COL18A1: variants seen among roughly 807,000 people sequenced by gnomAD.
The protein encoded by COL18A1 is collagen type XVIII alpha 1 chain, also known as collagen alpha-1(XVIII) chain.
Under a neutral mutation model 168.0 loss-of-function variants are expected in COL18A1, and 133 were observed. The ratio of observed to expected loss-of-function variants is 0.79; its 90% CI spans 0.69 to 0.91. The LOEUF is 0.91. COL18A1 is among the 40% of genes least tolerant of loss of function. The probability of loss-of-function intolerance (pLI) is 0.00; values close to 1 mark genes in which losing one functional copy is unlikely to be tolerated. For synonymous variants in COL18A1, 949 were observed against 809.0 expected, an observed-to-expected ratio of 1.17 and a Z score of -2.94; for missense variants, 2,126 against 1,925.4, an observed-to-expected ratio of 1.10 and a Z score of -1.95.
intron 28 of COL18A1, 33 bp downstream of exon 28, chr21:45,494,948 G>C (rs2036481252): frequency 1.3e-6 from 2 of 1,594,104 alleles, no homozygotes; most frequent in Admixed American, 1.7e-5. Flanking sequence ...GGGGGCGGCA[G>C]ATGGGGTCTG....
intron 15 of COL18A1, among the ~76,000 whole-genome samples, chr21:45,484,339 A>C (rs1233526912): frequency 6.8e-6 from 1 of 147,012 alleles, no homozygotes; most frequent in African/African-American, 2.6e-5. Context: ...ATGCACACAC[A>C]CATCTCCAGC....
intron 2 of COL18A1, among the ~76,000 whole-genome samples, chr21:45,440,102 C>G (rs1342928145): frequency 6.6e-6 from 1 of 152,250 alleles, no homozygotes; most frequent in African/African-American, 2.4e-5. Context: ...CGTCTCCGGC[C>G]TAGCCCCCGA....
Position 45,425,223 on chromosome 21 carries a change from G to C in COL18A1, c.106+19750G>C, listed in dbSNP as rs1415182045. ...AGAGCCCCAGCCATGTGTGTGCTGA[G>C]TGCAGTGTGACCGCGTCCGCCCGTC... On this transcript the variant is annotated intron_variant, in intron 2 of 41. Transcript: ENST00000651438. The surrounding 1 kb of genome is among the most constrained non-coding windows in gnomAD (Gnocchi z 4.1). 6.6e-6 allele frequency among the ~76,000 whole-genome samples: 1 copy of C among 152,172 alleles called. No individual in the cohort carries two copies. The highest frequency in any genetic ancestry group is 2.4e-5 in the African/African-American group (1 of 41,448).
chr21:45,511,178 C>A lies in COL18A1; in HGVS notation c.3761C>A (p.Ala1254Glu). ...SGSEGPLKPGARIFSFDGKDV... is the reference protein window; with the variant it reads ...SGSEGPLKPGERIFSFDGKDV... ...TCTGAGGGTCCGCTGAAGCCCGGGG[C>A]ACGCATCTTCTCCTTTGACGGCAAG... The change falls in exon 41 of 42, where the codon GCA becomes GAA. Residue 1254 changes from alanine to glutamate, a missense_variant. Physicochemically the swap from Ala to Glu is moderately radical, Grantham distance 107. Transcript: ENST00000651438. The A allele has an allele frequency of 6.2e-7, 1 of 1,601,282 alleles. No individual in the cohort carries two copies. The highest frequency in any genetic ancestry group is 1.3e-5 in the African/African-American group (1 of 74,750).
At chr21:45,503,585 A>G (rs949152624) in intron 32 of COL18A1, among the ~76,000 whole-genome samples, 15 of 139,974 alleles carry the variant, frequency 1.1e-4, no homozygotes, top group African/African-American at 3.5e-4. Flanking sequence ...GAACTGAACA[A>G]TGAGATCACA....
chr21:45,487,714 T>A, intron 17 of COL18A1: 1 of 706,518 alleles, frequency 1.4e-6, no homozygotes, highest in South Asian at 1.5e-5. Context: ...AGTCACGGGG[T>A]GAGGGCCTGG....
At chr21:45,429,756 G>C (rs1297579883) in intron 2 of COL18A1, among the ~76,000 whole-genome samples, 2 of 152,192 alleles carry the variant, frequency 1.3e-5, no homozygotes, top group Non-Finnish European at 2.9e-5. Context: ...GTCCTCAGCT[G>C]CCAGTGCCCC....
intron 9 of COL18A1, among the ~76,000 whole-genome samples, chr21:45,478,834 A>G (rs772718684): frequency 6.6e-6 from 1 of 152,260 alleles, no homozygotes. Context: ...CAGCCTGCCC[A>G]GCAAATGGTA....
chr21:45,412,788 G>A (rs1340213528), intron 2 of COL18A1, among the ~76,000 whole-genome samples: 1 of 152,238 alleles, frequency 6.6e-6, no homozygotes, highest in Non-Finnish European at 1.5e-5. Context: ...TCAGCTGTTA[G>A]CGTCTTGACT....
At position 45,513,454 on chromosome 21, in the gene COL18A1, A is replaced by G. The variant is rs2037725843; in HGVS notation, c.*1056A>G. The G allele has an allele frequency of 1.3e-5, 2 of 152,206 alleles. No individual in the cohort carries two copies. Among genetic ancestry groups the G allele is most frequent in the Non-Finnish European group, 2.9e-5 (2 of 68,050 alleles). 9.4% of individuals were successfully genotyped at this position (152,206 alleles called of 1,614,324 possible). On this transcript the variant is annotated 3_prime_UTR_variant, in exon 42 of 42. Coordinates refer to ENST00000651438, the MANE Select transcript of COL18A1 (RefSeq NM_001379500.1). The stretch of plus-strand genomic sequence containing the variant: ...ACTGAAGGGGAACCCCGGGGTGCCC[A>G]CAGGCCGCCCTGCGGGTGAACAAAG...
At chr21:45,510,406 G>A (rs888315912) in intron 40 of COL18A1, 145 bp downstream of exon 40, 33 of 937,340 alleles carry the variant, frequency 3.5e-5, no homozygotes, top group Middle Eastern at 6.0e-4. Context: ...CTTCAGGGCA[G>A]GCTCCGGGTG....
intron 37 of COL18A1, chr21:45,506,637 C>T (rs7278425): frequency 0.18 from 31,050 of 169,318 alleles, 2,968 homozygotes; most frequent in African/African-American, 0.22. Context: ...CCCATGCCGC[C>T]GAAACGGCCT....
At position 45,495,434 on chromosome 21, in the gene COL18A1, TGA is replaced by T; in HGVS notation, c.2508+4_2508+5del. The T allele has an allele frequency of 6.2e-7, 1 of 1,606,054 alleles. No homozygotes were observed. Among genetic ancestry groups the T allele is most frequent in the Non-Finnish European group, 8.5e-7 (1 of 1,175,854 alleles). ...GCCAGCCTTGGATTTGGCATGAGGG[TGA>T]GTGTCTCTCAAGGGGCGGACTGGGT... On this transcript the variant is annotated splice_donor_region_variant and intron_variant, in intron 29 of 41. Coordinates refer to ENST00000651438, the MANE Select transcript of COL18A1 (RefSeq NM_001379500.1).
At chr21:45,430,506 T>G (rs2073011024) in intron 2 of COL18A1, among the ~76,000 whole-genome samples, 1 of 152,048 alleles carries the variant, frequency 6.6e-6, no homozygotes, top group South Asian at 2.1e-4. Flanking sequence ...CTGCTCCAGC[T>G]GTGCCCAAGG....
chr21:45,409,781 G>A (rs576065255), intron 2 of COL18A1, among the ~76,000 whole-genome samples: 90 of 152,340 alleles, frequency 5.9e-4, no homozygotes, highest in African/African-American at 2.1e-3. Flanking sequence ...TCCTCTAGGG[G>A]TTCTGTGAGC....
Position 45,481,972 on chromosome 21 carries a change from G to A in COL18A1, c.1621G>A (p.Gly541Ser). 6.2e-7 allele frequency: 1 copy of A among 1,613,114 alleles called. No homozygotes were observed. Among genetic ancestry groups the A allele is most frequent in the Non-Finnish European group, 8.5e-7 (1 of 1,179,098 alleles). The part of the protein sequence containing the change: ...PGFPGLPGPP[G>S]PPGREGPPGR... ...CTCTGCTCTCCCCCAGGGACCCCCA[G>A]GCCCTCCGGGAAGAGAGGGGCCCCC... The change falls in exon 14 of 42, where the codon GGC becomes AGC. Residue 541 changes from glycine to serine, a missense_variant. Physicochemically the swap from Gly to Ser is moderately conservative, Grantham distance 56 (BLOSUM62 0). Coordinates refer to ENST00000651438, the MANE Select transcript of COL18A1 (RefSeq NM_001379500.1).
Position 45,493,519 on chromosome 21 carries a change from G to A in COL18A1, c.2296G>A (p.Gly766Ser). ...PGPKGEKGEP[G>S]SIFSPDGGAL... The stretch of plus-strand genomic sequence containing the variant: ...ATTCCAGGGTGAGAAGGGTGAACCG[G>A]GCAGCATCTTCAGCCCCGACGGCGG... Residue 766 changes from glycine (G) to serine (S), a missense_variant, in exon 26 of 42, where the codon GGC becomes AGC. By Grantham distance (56) the Gly-to-Ser change is moderately conservative. Coordinates refer to ENST00000651438, the MANE Select transcript of COL18A1 (RefSeq NM_001379500.1). 1 of 1,561,938 alleles carries A rather than the reference G, an allele frequency of 6.4e-7. No homozygotes were observed. Among genetic ancestry groups the A allele is most frequent in the South Asian group, 1.2e-5 (1 of 84,750 alleles).
chr21:45,439,234 C>T (rs1475437084), intron 2 of COL18A1, among the ~76,000 whole-genome samples: 1 of 152,234 alleles, frequency 6.6e-6, no homozygotes, highest in Non-Finnish European at 1.5e-5. Flanking sequence ...GTGGGAGGGG[C>T]CTGCTCTTCC....
intron 2 of COL18A1, among the ~76,000 whole-genome samples, chr21:45,410,813 A>T (rs1230069819): frequency 6.6e-6 from 1 of 152,146 alleles, no homozygotes; most frequent in Non-Finnish European, 1.5e-5. Flanking sequence ...CAGGCTGGAC[A>T]TAGCTCCTGG....
Sources: gnomAD v4.1 joint callset for allele counts (sites outside exome capture counted in the v4.1 genomes callset) on GRCh38, gnomAD v4.1.1 for gene constraint, Gnocchi (gnomAD v3.1) non-coding constraint, MANE v1.5 for transcripts, NCBI Gene and HGNC (gene_info 2026-07-23, HGNC 2026-07-21) for gene names.